Variants in METTL22 observed in about 807,000 individuals in gnomAD.
The protein encoded by METTL22 is methyltransferase 22, Kin17 lysine.
In METTL22, 51 loss-of-function variants were observed where a neutral mutation model predicts 48.4. That is an observed-to-expected ratio of 1.05 (90% CI 0.84 to 1.33). The LOEUF is 1.33. Among genes scored for constraint, METTL22 ranks in the 40% most tolerant of loss-of-function variants. The pLI, the probability that METTL22 is intolerant of heterozygous loss-of-function variation, is 0.00. For missense variants in METTL22, 678 were observed against 526.9 expected (o/e 1.29, Z -2.81); for synonymous variants, 255 against 214.1 (o/e 1.19, Z -1.67).
At chr16:8,662,232 ACT>A in the METTL22 span, among the ~76,000 whole-genome samples, 1 of 145,224 alleles carries the variant, frequency 6.9e-6, no homozygotes, top group Non-Finnish European at 1.5e-5. Context: ...ATAGAGCGAG[ACT>A]CTGTCTCTAA....
intron 10 of METTL22, among the ~76,000 whole-genome samples, chr16:8,645,430 C>G (rs1443988993): frequency 6.6e-6 from 1 of 152,138 alleles, no homozygotes; most frequent in Non-Finnish European, 1.5e-5. Flanking sequence ...CGTCACATGA[C>G]CAAGAACACA....
rs1455918093 is a variant in METTL22, at chr16:8,625,669, G to A, written c.4G>A (p.Val2Ile). ...GGACTAAGGTGGAGCCTGGGCCATG[G>A]TACAGCTGGCTCCTGCGGCAGCCAT... M[V>I]QLAPAAAMDE... Residue 2 changes from valine to isoleucine, a missense_variant, in exon 2 of 11, where the codon GTA becomes ATA. Transcript: ENST00000381920. 1 of 1,614,078 alleles carries A rather than the reference G, an allele frequency of 6.2e-7. No homozygotes were observed.
In METTL22 at chr16:8,647,724, G is replaced by A. The variant is rs1162601187; in HGVS notation, c.*1581G>A. 3.3e-5 allele frequency: 5 copies of A among 152,278 alleles called. No homozygotes were observed. The highest frequency in any genetic ancestry group is 1.2e-4 in the African/African-American group (5 of 41,476). The allele number at this position is 152,278 out of a possible 1,614,324, so 9.4% of individuals were successfully genotyped here. On this transcript the variant is annotated 3_prime_UTR_variant, in exon 11 of 11. Coordinates refer to ENST00000381920, the MANE Select transcript of METTL22 (RefSeq NM_024109.4). ...AAGAAAAACGGTCTCAGCTGAACCTGTAGTGAGAGCATGCAGGAGAGTGAC... is the reference window on the plus strand; with the variant it reads ...AAGAAAAACGGTCTCAGCTGAACCTATAGTGAGAGCATGCAGGAGAGTGAC...
Position 8,646,315 on chromosome 16 carries a change from G to A in METTL22, c.*172G>A. The A allele has an allele frequency of 2.4e-6, 2 of 830,618 alleles. No homozygotes were observed. Among genetic ancestry groups the A allele is most frequent in the Non-Finnish European group, 2.0e-6 (1 of 500,498 alleles). The allele number at this position is 830,618 out of a possible 1,614,324, so 51.5% of individuals were successfully genotyped here. On this transcript the variant is annotated 3_prime_UTR_variant, in exon 11 of 11. Transcript: ENST00000381920. ...TGGGGTCTGTCCCTGCCTCCCAGTT[G>A]TAGCCAGAGAAGGTTGTTGCTGTGG...
At chr16:8,654,109 A>T (rs1031475439), downstream of METTL22, among the ~76,000 whole-genome samples, 6 of 152,242 alleles carry the variant, frequency 3.9e-5, no homozygotes, top group African/African-American at 1.4e-4. Context: ...CATTTTAGAT[A>T]CATTAGCTCA....
chr16:8,666,907 C>T, the METTL22 span: 12,640 of 152,052 alleles, frequency 0.083, 656 homozygotes, highest in Non-Finnish European at 0.12. Flanking sequence ...CTGCCTCAGC[C>T]TCCCTAGTAG....
chr16:8,635,141 T>G lies in METTL22; in HGVS notation c.556-27T>G, dbSNP rs750736479. On this transcript the variant is annotated intron_variant, in intron 4 of 10. Coordinates refer to ENST00000381920, the MANE Select transcript of METTL22 (RefSeq NM_024109.4). ...GGTCCCTGCAGAGCCTCACGCTGCT[T>G]GTCGCTCCTTGTCCTCTTCCCTCCA... 11 of 1,613,688 alleles carry G rather than the reference T, an allele frequency of 6.8e-6. No individual in the cohort carries two copies. In the South Asian group the frequency reaches 1.2e-4, roughly 18 times the overall value.
intron 5 of METTL22, among the ~76,000 whole-genome samples, chr16:8,636,972 A>G (rs1361439693): frequency 6.6e-6 from 1 of 152,242 alleles, no homozygotes; most frequent in Non-Finnish European, 1.5e-5. Flanking sequence ...ACACACAACC[A>G]TAGTACAGTG....
chr16:8,639,069 G>A, intron 5 of METTL22, 22 bp from the exon 6 acceptor site: 1 of 1,613,842 alleles, frequency 6.2e-7, no homozygotes, highest in East Asian at 2.2e-5. Context: ...GGCACTTTAT[G>A]GCTTGCCCTC....
chr16:8,627,777 A>T (rs73491495), intron 2 of METTL22, among the ~76,000 whole-genome samples: 1,903 of 152,266 alleles, frequency 0.012, 47 homozygotes, highest in African/African-American at 0.044. Context: ...ACAGGGTCTC[A>T]TTCTGTCACC....
the METTL22 span, among the ~76,000 whole-genome samples, chr16:8,658,398 A>G: frequency 6.6e-6 from 1 of 152,146 alleles, no homozygotes; most frequent in Admixed American, 6.6e-5. Flanking sequence ...CTCATCCAGA[A>G]CCCAAGGGAT....
chr16:8,627,344 G>T (rs1006216995), intron 2 of METTL22, among the ~76,000 whole-genome samples: 1 of 151,956 alleles, frequency 6.6e-6, no homozygotes, highest in African/African-American at 2.4e-5. Flanking sequence ...CCACTCTCAG[G>T]TTCTTTCTGT....
chr16:8,642,066 T>G, intron 7 of METTL22, 61 bp from the exon 8 acceptor site: 242 of 1,318,748 alleles, frequency 1.8e-4, no homozygotes, highest in Non-Finnish European at 2.4e-4. Flanking sequence ...TCAGTCCCAG[T>G]GAGAGTTGGT....
In METTL22 at chr16:8,639,113, C is replaced by T; in HGVS notation, c.723C>T (p.Ser241=). The change falls in exon 6 of 11, where the codon TCC becomes TCT. Residue 241 remains serine, a synonymous_variant. Coordinates refer to ENST00000381920, the MANE Select transcript of METTL22 (RefSeq NM_024109.4). Reference sequence around the variant, plus strand: ...CAGATGTCGGTGCAGATCTCTTGTCCATGTGCCAGCGAAACATTGCCCTCA... The same window carrying T: ...CAGATGTCGGTGCAGATCTCTTGTCTATGTGCCAGCGAAACATTGCCCTCA... The part of the protein sequence containing the change: ...YCTDVGADLL[S]MCQRNIALNS... 1 of 1,613,946 alleles carries T rather than the reference C, an allele frequency of 6.2e-7. No homozygotes were observed.
At chr16:8,660,789 A>T in the METTL22 span, among the ~76,000 whole-genome samples, 4 of 742 alleles carry the variant, frequency 5.4e-3, no homozygotes, top group Admixed American at 0.062. Context: ...TTGGAGGAGG[A>T]GGAGGAGGAG....
At chr16:8,628,145 A>G (rs1340715539) in intron 2 of METTL22, among the ~76,000 whole-genome samples, 1 of 152,188 alleles carries the variant, frequency 6.6e-6, no homozygotes, top group African/African-American at 2.4e-5. Flanking sequence ...ATTCCTGGTA[A>G]TTAACACAGC....
chr16:8,644,496 A>G (rs1002818202), intron 9 of METTL22, 61 bp from the exon 10 acceptor site: 1 of 1,484,050 alleles, frequency 6.7e-7, no homozygotes, highest in Non-Finnish European at 9.0e-7. Context: ...AGGTGGGCAG[A>G]AACAGCAAAA....
chr16:8,659,241 G>T, the METTL22 span, among the ~76,000 whole-genome samples: 2 of 151,744 alleles, frequency 1.3e-5, no homozygotes, highest in East Asian at 1.9e-4. Flanking sequence ...TAAGAAGGGA[G>T]AATTGCTTGA....
chr16:8,630,593 G>A (rs957347832), intron 3 of METTL22, among the ~76,000 whole-genome samples: 11 of 152,180 alleles, frequency 7.2e-5, no homozygotes, highest in African/African-American at 2.7e-4. Context: ...GCCTCCCCAA[G>A]CTGGGGAGCA....
Sources: gnomAD v4.1 joint callset for allele counts (sites outside exome capture counted in the v4.1 genomes callset) on GRCh38, gnomAD v4.1.1 for gene constraint, MANE v1.5 for transcripts, NCBI Gene and HGNC (gene_info 2026-07-23, HGNC 2026-07-21) for gene names.